The following ANP32B variants were observed in gnomAD, a reference collection of about 807,000 sequenced individuals.
The protein encoded by ANP32B is acidic leucine-rich nuclear phosphoprotein 32 family member B.
Under a neutral mutation model 32.2 loss-of-function variants are expected in ANP32B, and 6 were observed. That is an observed-to-expected ratio of 0.19 (90% CI 0.10 to 0.37). ANP32B has a LOEUF of 0.37. ANP32B is among the 10% of genes least tolerant of loss of function. The pLI, the probability that ANP32B is intolerant of heterozygous loss-of-function variation, is 1.00. For missense variants in ANP32B, 204 were observed against 289.2 expected (o/e 0.71, Z 2.14); for synonymous variants, 98 against 105.8 (o/e 0.93, Z 0.45).
intron 2 of ANP32B, among the ~76,000 whole-genome samples, chr9:97,996,170 T>G (rs1474150381): frequency 6.6e-6 from 1 of 152,188 alleles, no homozygotes; most frequent in Non-Finnish European, 1.5e-5. Flanking sequence ...ATTAGCCCAG[T>G]TAAACATAGT....
chr9:98,003,997 T>A (rs183702023), intron 3 of ANP32B, among the ~76,000 whole-genome samples: 55 of 152,348 alleles, frequency 3.6e-4, no homozygotes, highest in Non-Finnish European at 6.3e-4. Flanking sequence ...TGTTGCTGTC[T>A]CCTGACTTGC....
Position 97,988,133 on chromosome 9 carries a change from C to CT in ANP32B, c.54+4534dup, listed in dbSNP as rs139154501. Among the ~76,000 whole-genome samples, 1,207 of 144,458 alleles carry CT rather than the reference C, an allele frequency of 8.4e-3. 16 individuals are homozygous for CT. The highest frequency in any genetic ancestry group is 0.028 in the African/African-American group (1,106 of 39,472). The allele number at this position is 144,458 out of a possible 152,430, so 94.8% of individuals were successfully genotyped here. A position where few individuals can be genotyped will look rare whatever the true frequency, so the allele number is the denominator to read the frequency against. On this transcript the variant is annotated intron_variant, in intron 1 of 6. Transcript: ENST00000339399. ...AATCCAAATGCTAGCTAGCTTGTTG[C>CT]TTTTTTTTTTAGAAAAAAAATACAG... is the stretch of plus-strand genomic sequence containing the variant.
intron 1 of ANP32B, among the ~76,000 whole-genome samples, chr9:97,989,275 A>G (rs1025233341): frequency 7.9e-5 from 12 of 152,208 alleles, no homozygotes; most frequent in Admixed American, 4.6e-4. Flanking sequence ...TTTGGCTGCA[A>G]TATAGTTCAA....
chr9:98,011,047 G>A (rs1274100223), intron 4 of ANP32B, among the ~76,000 whole-genome samples: 1 of 152,028 alleles, frequency 6.6e-6, no homozygotes, highest in African/African-American at 2.4e-5. Context: ...CATTTCATCA[G>A]CGAGAATTAT....
chr9:98,000,944 G>T (rs905591442), intron 3 of ANP32B, among the ~76,000 whole-genome samples: 6 of 149,610 alleles, frequency 4.0e-5, no homozygotes, highest in African/African-American at 1.5e-4. Context: ...AAAAAAATTC[G>T]AAGTCTGCTG....
At position 97,984,951 on chromosome 9, in the gene ANP32B, G is replaced by T. The variant is rs569852034; in HGVS notation, c.54+1342G>T. On this transcript the variant is annotated intron_variant, in intron 1 of 6. Coordinates refer to ENST00000339399, the MANE Select transcript of ANP32B (RefSeq NM_006401.3). ...GGTGCGGTCGGCCGCGCGCCTTGCG[G>T]GCTGTAGGGGCCTGAGGGCGGCCCT... Among the ~76,000 whole-genome samples, 563 of 151,252 alleles carry T rather than the reference G, an allele frequency of 3.7e-3. 3 individuals are homozygous for T. Among genetic ancestry groups the T allele is most frequent in the Admixed American group, 6.6e-3 (100 of 15,208 alleles).
chr9:97,998,724 A>G (rs759567159), intron 3 of ANP32B, 46 bp downstream of exon 3: 3 of 1,416,156 alleles, frequency 2.1e-6, no homozygotes, highest in Non-Finnish European at 2.8e-6. Context: ...GGTCATTTTC[A>G]TTTTCATATT....
At chr9:97,985,590 G>A (rs577169370) in intron 1 of ANP32B, among the ~76,000 whole-genome samples, 3 of 152,282 alleles carry the variant, frequency 2.0e-5, no homozygotes, top group Non-Finnish European at 2.9e-5. Context: ...GCTAAAATTA[G>A]CCAAAGTGCC....
At chr9:98,004,932 T>C in intron 3 of ANP32B, 32 bp from the exon 4 acceptor site, 1 of 1,558,418 alleles carries the variant, frequency 6.4e-7, no homozygotes, top group East Asian at 2.3e-5. Flanking sequence ...TCCTTTGGTT[T>C]AGGAGTTGTG....
chr9:97,995,255 C>T (rs1219447184), intron 2 of ANP32B, among the ~76,000 whole-genome samples: 1 of 152,146 alleles, frequency 6.6e-6, no homozygotes, highest in Non-Finnish European at 1.5e-5. Context: ...AACCCAACCC[C>T]TTATTTTATA....
chr9:98,010,593 A>G (rs1828166244), intron 4 of ANP32B, among the ~76,000 whole-genome samples: 1 of 152,078 alleles, frequency 6.6e-6, no homozygotes. Flanking sequence ...AGGTGGAGTC[A>G]GAGTTAGCCA....
At chr9:98,013,403 T>G (rs1489460646) in intron 6 of ANP32B, among the ~76,000 whole-genome samples, 1 of 152,202 alleles carries the variant, frequency 6.6e-6, no homozygotes, top group African/African-American at 2.4e-5. Context: ...GTGTTTGGAG[T>G]TCTTTCATTT....
intron 3 of ANP32B, among the ~76,000 whole-genome samples, chr9:98,002,582 C>A (rs1013591871): frequency 6.6e-5 from 10 of 152,178 alleles, no homozygotes; most frequent in Admixed American, 2.6e-4. Flanking sequence ...CTACTTTCAG[C>A]AGTTCCAGAG....
chr9:97,995,243 C>T (rs1029074966), intron 2 of ANP32B, among the ~76,000 whole-genome samples: 1 of 152,206 alleles, frequency 6.6e-6, no homozygotes, highest in African/African-American at 2.4e-5. Context: ...CTTTGCTCCT[C>T]TAACCCAACC....
chr9:98,012,569 A>C, intron 6 of ANP32B, 97 bp downstream of exon 6: 1 of 1,526,784 alleles, frequency 6.5e-7, no homozygotes. Context: ...AAAATAAAAT[A>C]CTCTTGGCTC....
chr9:97,984,444 ACGGCCTCGCCCTTCCCCCTGTGCCGCGG>A (rs1188477593), intron 1 of ANP32B: 1 of 151,170 alleles, frequency 6.6e-6, no homozygotes, highest in Non-Finnish European at 1.5e-5. Flanking sequence ...CGTTGTGGCG[ACGGCCTCGCCCTTCCCCCTGTGCCGCGG>A]CGGCGGCGCC....
chr9:98,011,298 A>G lies in ANP32B; in HGVS notation c.545A>G (p.Asp182Gly), dbSNP rs1564141817. The G allele has an allele frequency of 1.3e-6, 2 of 1,549,836 alleles. No individual in the cohort carries two copies. Among genetic ancestry groups the G allele is most frequent in the Admixed American group, 3.9e-5 (2 of 51,052 alleles). ...EEGEDEEDED[D>G]EDGEEEEFDE... Reference sequence around the variant, plus strand: ...GGAGAAGATGAGGAAGACGAGGACGATGAGGATGGTGAAGAAGAGGAGTTT... The same window carrying G: ...GGAGAAGATGAGGAAGACGAGGACGGTGAGGATGGTGAAGAAGAGGAGTTT... The change falls in exon 5 of 7, where the codon GAT becomes GGT. Residue 182 changes from aspartate to glycine, a missense_variant. Physicochemically the swap from Asp to Gly is moderately conservative, Grantham distance 94. Coordinates refer to ENST00000339399, the MANE Select transcript of ANP32B (RefSeq NM_006401.3).
At chr9:97,992,572 G>T (rs1301153475) in intron 1 of ANP32B, among the ~76,000 whole-genome samples, 1 of 152,122 alleles carries the variant, frequency 6.6e-6, no homozygotes, top group African/African-American at 2.4e-5. Context: ...GCATATTGGT[G>T]TATTTTGTAT....
chr9:98,006,208 A>G (rs1371625840), intron 4 of ANP32B, among the ~76,000 whole-genome samples: 2 of 152,180 alleles, frequency 1.3e-5, no homozygotes, highest in East Asian at 3.8e-4. Context: ...TAATAAATCA[A>G]TTGCTTGCAG....
Sources: allele counts gnomAD v4.1 joint callset (sites outside exome capture counted in the v4.1 genomes callset), GRCh38; gene constraint gnomAD v4.1.1; transcripts MANE v1.5; gene names NCBI Gene and HGNC (gene_info 2026-07-23, HGNC 2026-07-21).